Variants in PTGES3L observed in about 807,000 individuals in gnomAD.
The protein encoded by PTGES3L is putative protein PTGES3L.
PTGES3L carries 17 observed loss-of-function variants against 25.0 expected under a neutral mutation model. The ratio of observed to expected loss-of-function variants is 0.68; its 90% CI spans 0.47 to 1.02. The LOEUF (loss-of-function observed/expected upper bound fraction) is 1.02. Ranked by LOEUF, PTGES3L falls within the 50% of genes least tolerant of loss-of-function variation. The pLI is 0.00. For missense variants in PTGES3L, 202 were observed against 197.5 expected, an observed-to-expected ratio of 1.02 and a Z score of -0.14; for synonymous variants, 59 against 65.7, an observed-to-expected ratio of 0.90 and a Z score of 0.50.
intron 6 of PTGES3L, 129 bp from the exon 7 acceptor site, chr17:42,969,315 C>T (rs1045163691): frequency 2.5e-5 from 13 of 510,074 alleles, no homozygotes; most frequent in Non-Finnish European, 3.1e-5. Flanking sequence ...AACCACCCAA[C>T]TTAGGGGGCT....
At chr17:42,971,901 AC>A (rs2049844009) in intron 4 of PTGES3L, 2 of 541,010 alleles carry the variant, frequency 3.7e-6, no homozygotes, top group African/African-American at 3.8e-5. Flanking sequence ...CAGAAGTCCT[AC>A]CCTCCGGCCA....
At chr17:42,979,493 C>T in intron 2 of PTGES3L, 49 bp from the exon 3 acceptor site, 2 of 1,614,120 alleles carry the variant, frequency 1.2e-6, no homozygotes, top group Non-Finnish European at 1.7e-6. Flanking sequence ...CGTGTGGGGA[C>T]ATTAGGAAAG....
At chr17:42,975,547 G>A (rs1359950449) in intron 4 of PTGES3L, among the ~76,000 whole-genome samples, 3 of 152,140 alleles carry the variant, frequency 2.0e-5, no homozygotes, top group Admixed American at 1.3e-4. Context: ...GAAATCAAAC[G>A]CTCAAATACC....
intron 5 of PTGES3L, 41 bp from the exon 6 acceptor site, chr17:42,970,383 A>G (rs1402979021): frequency 4.3e-6 from 7 of 1,610,946 alleles, no homozygotes; most frequent in Non-Finnish European, 5.9e-6. Flanking sequence ...GAAGGGAGTG[A>G]AGGAAGAACA....
At chr17:42,970,709 CACACACACAG>C (rs2049820688) in intron 5 of PTGES3L, among the ~76,000 whole-genome samples, 1 of 95,356 alleles carries the variant, frequency 1.0e-5, no homozygotes, top group African/African-American at 3.0e-5. Flanking sequence ...CACACACACA[CACACACACAG>C]AGGCCGGGTT....
chr17:42,973,227 G>A (rs1403328806), intron 4 of PTGES3L, among the ~76,000 whole-genome samples: 23 of 146,224 alleles, frequency 1.6e-4, no homozygotes, highest in East Asian at 2.5e-4. Context: ...CAGCCGCCCC[G>A]TCCGGGAGGG....
At chr17:42,973,327 G>A (rs1376472414) in intron 4 of PTGES3L, among the ~76,000 whole-genome samples, 2 of 129,116 alleles carry the variant, frequency 1.5e-5, no homozygotes, top group Admixed American at 7.9e-5. Context: ...GGGAAGTGAA[G>A]AGCCCCTCCG....
intron 4 of PTGES3L, among the ~76,000 whole-genome samples, chr17:42,975,294 C>A (rs2049934566): frequency 6.6e-6 from 1 of 152,002 alleles, no homozygotes; most frequent in African/African-American, 2.4e-5. Flanking sequence ...GTCACAAGAA[C>A]CCAGGTTTCT....
At chr17:42,969,259 C>A in intron 6 of PTGES3L, 73 bp from the exon 7 acceptor site, 6 of 917,752 alleles carry the variant, frequency 6.5e-6, no homozygotes, top group Non-Finnish European at 1.0e-5. Context: ...TTAACAAATA[C>A]TGCTTCCTCT....
At chr17:42,976,528 G>A (rs187398668) in intron 4 of PTGES3L, among the ~76,000 whole-genome samples, 9 of 151,730 alleles carry the variant, frequency 5.9e-5, no homozygotes, top group Admixed American at 3.9e-4. Flanking sequence ...ACAGACATGC[G>A]CCACCACACC....
At chr17:42,971,313 A>T (rs908349367) in intron 5 of PTGES3L, among the ~76,000 whole-genome samples, 2 of 147,068 alleles carry the variant, frequency 1.4e-5, no homozygotes, top group Admixed American at 1.3e-4. Context: ...CACAGAAAAC[A>T]GTAGAACAAG....
intron 5 of PTGES3L, among the ~76,000 whole-genome samples, chr17:42,971,381 C>T (rs937790659): frequency 5.3e-5 from 8 of 152,114 alleles, no homozygotes; most frequent in Non-Finnish European, 8.8e-5. Context: ...AGGCTCTACA[C>T]TGAATAAGTG....
At chr17:42,972,997 G>C (rs2049876403) in intron 4 of PTGES3L, among the ~76,000 whole-genome samples, 2 of 148,120 alleles carry the variant, frequency 1.4e-5, no homozygotes. Context: ...TGTGAGGAGC[G>C]CCTCTGCCCG....
At chr17:42,975,798 T>G (rs2049943508) in intron 4 of PTGES3L, among the ~76,000 whole-genome samples, 1 of 151,784 alleles carries the variant, frequency 6.6e-6, no homozygotes, top group Non-Finnish European at 1.5e-5. Context: ...TGCCTCAGCC[T>G]CCGGAGCAGC....
At chr17:42,974,084 G>A (rs1055440596) in intron 4 of PTGES3L, among the ~76,000 whole-genome samples, 3 of 152,048 alleles carry the variant, frequency 2.0e-5, no homozygotes, top group African/African-American at 7.2e-5. Context: ...GCAGCCAGGC[G>A]CAGTGGCTCA....
At chr17:42,980,004 G>A in intron 1 of PTGES3L, 42 bp downstream of exon 1, 1 of 1,529,092 alleles carries the variant, frequency 6.5e-7, no homozygotes, top group Non-Finnish European at 8.8e-7. Flanking sequence ...GGAATCTCCA[G>A]GGAAAAGGGC....
At position 42,980,063 on chromosome 17, in the gene PTGES3L, C is replaced by T. The variant is rs374042386; in HGVS notation, c.-10G>A. 6,892 of 1,551,044 alleles carry T rather than the reference C, an allele frequency of 4.4e-3. 30 individuals carry two copies. Among genetic ancestry groups the T allele is most frequent in the Middle Eastern group, 6.8e-3 (40 of 5,888 alleles). On this transcript the variant is annotated 5_prime_UTR_variant, in exon 1 of 7. Coordinates refer to ENST00000591916, the MANE Select transcript of PTGES3L (RefSeq NM_001261430.2). ...ACACTCACCGTGCCATTGCGGCTCC[C>T]GCTCCAGGGTGGCATTTAGAGTTCC...
chr17:42,971,461 G>T lies in PTGES3L; in HGVS notation c.378+146C>A, dbSNP rs956683137. On this transcript the variant is annotated intron_variant, in intron 5 of 6. Transcript: ENST00000591916. ...ATTAAATAAACATTGCACAAAATAC[G>T]TAAAGAATATCAGCATCAATGAGTA... is the stretch of plus-strand genomic sequence containing the variant. 5 of 711,288 alleles carry T rather than the reference G, an allele frequency of 7.0e-6. No individual in the cohort carries two copies. The Admixed American group carries it at 1.4e-4, about 20-fold the overall frequency. 44.1% of individuals were successfully genotyped at this position (711,288 alleles called of 1,614,324 possible).
intron 4 of PTGES3L, among the ~76,000 whole-genome samples, chr17:42,972,656 T>A (rs1032508526): frequency 3.9e-5 from 6 of 152,130 alleles, no homozygotes; most frequent in Admixed American, 3.9e-4. Context: ...TGCAGTGGCA[T>A]GATCTCGGCT....
Sources: gnomAD v4.1 joint callset for allele counts (sites outside exome capture counted in the v4.1 genomes callset) on GRCh38, gnomAD v4.1.1 for gene constraint, MANE v1.5 for transcripts, NCBI Gene and HGNC (gene_info 2026-07-23, HGNC 2026-07-21) for gene names.